Variants in SGCZ observed in about 807,000 individuals in gnomAD.
The protein encoded by SGCZ is sarcoglycan zeta.
In SGCZ, 40 loss-of-function variants were observed where a neutral mutation model predicts 41.3. The ratio of observed to expected loss-of-function variants is 0.97; its 90% CI spans 0.75 to 1.26. SGCZ has a LOEUF of 1.26. Ranked by LOEUF, SGCZ falls within the 50% of genes most tolerant of loss-of-function variation. The pLI, the probability that SGCZ is intolerant of heterozygous loss-of-function variation, is 0.00. For synonymous variants in SGCZ, 206 were observed against 137.5 expected (o/e 1.50, Z -3.49); for missense variants, 552 against 369.8 (o/e 1.49, Z -4.04).
chr8:14,787,527 A>C (rs2130456783), intron 1 of SGCZ, among the ~76,000 whole-genome samples: 1 of 152,246 alleles, frequency 6.6e-6, no homozygotes, highest in Non-Finnish European at 1.5e-5. Flanking sequence ...AAACAGTAGT[A>C]ACTGAGTTTT....
intron 2 of SGCZ, among the ~76,000 whole-genome samples, chr8:14,329,525 T>C (rs1386323367): frequency 1.3e-5 from 2 of 152,292 alleles, no homozygotes; most frequent in African/African-American, 4.8e-5. Context: ...GATCACTTTA[T>C]CTCCAGCTTG....
At chr8:15,162,984 G>C (rs1177040277) in intron 1 of SGCZ, among the ~76,000 whole-genome samples, 1 of 152,212 alleles carries the variant, frequency 6.6e-6, no homozygotes, top group Non-Finnish European at 1.5e-5. Context: ...AAAATGTCTT[G>C]TGTCTTAAAA....
chr8:14,668,016 G>T (rs554578686), intron 1 of SGCZ, among the ~76,000 whole-genome samples: 1 of 152,104 alleles, frequency 6.6e-6, no homozygotes, highest in African/African-American at 2.4e-5. Context: ...TAGTGCAGTG[G>T]CACAATCCCG....
intron 4 of SGCZ, among the ~76,000 whole-genome samples, chr8:14,179,560 T>C (rs1804656671): frequency 6.6e-6 from 1 of 152,160 alleles, no homozygotes; most frequent in Admixed American, 6.5e-5. Flanking sequence ...ATATTAATGA[T>C]AACATGCTAA....
intron 1 of SGCZ, among the ~76,000 whole-genome samples, chr8:15,140,184 T>C (rs1808269230): frequency 6.6e-6 from 1 of 151,992 alleles, no homozygotes; most frequent in African/African-American, 2.4e-5. Flanking sequence ...ACCACCATGG[T>C]TGGCTAATTT....
At chr8:14,986,512 T>C (rs1177503360) in intron 1 of SGCZ, among the ~76,000 whole-genome samples, 1 of 152,094 alleles carries the variant, frequency 6.6e-6, no homozygotes, top group Non-Finnish European at 1.5e-5. Context: ...GGATTTGCTC[T>C]TGGTAAAGTA....
At chr8:14,648,504 A>G (rs1807296255) in intron 1 of SGCZ, among the ~76,000 whole-genome samples, 1 of 152,140 alleles carries the variant, frequency 6.6e-6, no homozygotes, top group Non-Finnish European at 1.5e-5. Flanking sequence ...AGATGAATAT[A>G]TAGTTAAAAG....
At chr8:14,542,231 C>A (rs1335607801) in intron 2 of SGCZ, among the ~76,000 whole-genome samples, 1 of 152,022 alleles carries the variant, frequency 6.6e-6, no homozygotes, top group Non-Finnish European at 1.5e-5. Context: ...AATGGTATTG[C>A]CTAGGTTGTC....
chr8:14,678,996 G>A lies in SGCZ; in HGVS notation c.40-124070C>T, dbSNP rs114348018. Among the ~76,000 whole-genome samples, 333 of 152,272 alleles carry A rather than the reference G, an allele frequency of 2.2e-3. 3 individuals carry two copies. Among genetic ancestry groups the A allele is most frequent in the African/African-American group, 7.8e-3 (323 of 41,556 alleles). On this transcript the variant is annotated intron_variant, in intron 1 of 7. Transcript: ENST00000382080. ...CATTTCAGTCAAGGACAGACAGCAC[G>A]TATGATAGTTGCCTGTCCTATCATA... is the stretch of plus-strand genomic sequence containing the variant.
intron 1 of SGCZ, among the ~76,000 whole-genome samples, chr8:15,032,564 G>A (rs1197010213): frequency 6.6e-6 from 1 of 152,092 alleles, no homozygotes; most frequent in Non-Finnish European, 1.5e-5. Flanking sequence ...GACCCGGGAT[G>A]CAGGCCTGCT....
chr8:14,311,592 G>T (rs1801545996), intron 3 of SGCZ, among the ~76,000 whole-genome samples: 1 of 152,042 alleles, frequency 6.6e-6, no homozygotes, highest in Non-Finnish European at 1.5e-5. Context: ...TTCATTCTAC[G>T]ATCTAATTTA....
chr8:14,150,633 A>C (rs1803671516), intron 5 of SGCZ, among the ~76,000 whole-genome samples: 1 of 152,146 alleles, frequency 6.6e-6, no homozygotes, highest in Admixed American at 6.5e-5. Flanking sequence ...AAAACAAAAA[A>C]AATTGAGCTA....
intron 1 of SGCZ, among the ~76,000 whole-genome samples, chr8:14,745,410 T>C (rs1342977671): frequency 1.3e-5 from 2 of 152,112 alleles, no homozygotes; most frequent in African/African-American, 2.4e-5. Context: ...TCCAAAGAGA[T>C]GATATAGGAT....
intron 1 of SGCZ, among the ~76,000 whole-genome samples, chr8:15,117,597 A>G (rs568475836): frequency 6.6e-6 from 1 of 152,284 alleles, no homozygotes; most frequent in African/African-American, 2.4e-5. Context: ...AAAATATAGG[A>G]AAGAATTTGC....
chr8:14,174,175 C>G (rs1056080152), intron 4 of SGCZ, among the ~76,000 whole-genome samples: 2 of 152,022 alleles, frequency 1.3e-5, no homozygotes, highest in East Asian at 3.9e-4. Context: ...ATAGTTAATA[C>G]AATCTTTAAA....
intron 1 of SGCZ, among the ~76,000 whole-genome samples, chr8:15,072,622 G>A (rs1805397470): frequency 1.3e-5 from 2 of 152,072 alleles, no homozygotes; most frequent in African/African-American, 2.4e-5. Flanking sequence ...ACAGAGGCCA[G>A]GAATTTATGA....
chr8:14,324,036 G>T (rs2117032075), intron 3 of SGCZ, 67 bp downstream of exon 3: 3 of 1,050,244 alleles, frequency 2.9e-6, no homozygotes, highest in Middle Eastern at 2.1e-4. Flanking sequence ...ATTCTACCCT[G>T]CTATTTCAAG....
At chr8:14,535,002 T>C (rs1469126858) in intron 2 of SGCZ, among the ~76,000 whole-genome samples, 2 of 151,898 alleles carry the variant, frequency 1.3e-5, no homozygotes, top group East Asian at 3.9e-4. Context: ...ACCTTCTAGG[T>C]TTGCTTAATC....
At chr8:15,034,127 T>C (rs992018095) in intron 1 of SGCZ, among the ~76,000 whole-genome samples, 4 of 151,668 alleles carry the variant, frequency 2.6e-5, no homozygotes, top group Non-Finnish European at 4.4e-5. Flanking sequence ...AAGAAATGGG[T>C]TCTACCCCAA....
Sources: allele counts gnomAD v4.1 joint callset (sites outside exome capture counted in the v4.1 genomes callset), GRCh38; gene constraint gnomAD v4.1.1; transcripts MANE v1.5; gene names NCBI Gene and HGNC (gene_info 2026-07-23, HGNC 2026-07-21).